CCND3: variants seen among roughly 807,000 people sequenced by gnomAD.
CCND3 encodes the protein G1/S-specific cyclin-D3.
In CCND3, 9 loss-of-function variants were observed where a neutral mutation model predicts 28.7. The observed-to-expected ratio is 0.31, with a 90% CI of 0.19 to 0.55. The LOEUF is 0.55. CCND3 is among the 20% of genes least tolerant of loss of function. CCND3 has a pLI of 0.93. For synonymous variants in CCND3, 164 were observed against 163.9 expected (o/e 1.00, Z 0.00); for missense variants, 315 against 385.8 (o/e 0.82, Z 1.54).
At chr6:41,985,363 G>C (rs909991136) in intron 1 of CCND3, among the ~76,000 whole-genome samples, 4 of 145,628 alleles carry the variant, frequency 2.7e-5, no homozygotes, top group Admixed American at 1.4e-4. Flanking sequence ...GCCCAGGCTG[G>C]AGTGCAATGG....
chr6:42,028,615 G>C (rs1763951533), intron 1 of CCND3, among the ~76,000 whole-genome samples: 1 of 152,234 alleles, frequency 6.6e-6, no homozygotes, highest in Non-Finnish European at 1.5e-5. Context: ...GAAGGCTGAA[G>C]CTGTCCACAG....
intron 1 of CCND3, among the ~76,000 whole-genome samples, chr6:41,998,179 T>TC (rs1245937800): frequency 6.6e-6 from 1 of 151,028 alleles, no homozygotes. Flanking sequence ...TCCCAGGTAT[T>TC]CAGGAAGCTG....
chr6:41,965,993 C>A (rs1275732914), intron 1 of CCND3, among the ~76,000 whole-genome samples: 1 of 152,080 alleles, frequency 6.6e-6, no homozygotes, highest in African/African-American at 2.4e-5. Context: ...ATAACTTAGG[C>A]CTTTAGACTG....
chr6:41,992,647 C>T (rs933676537), intron 1 of CCND3, among the ~76,000 whole-genome samples: 2 of 152,028 alleles, frequency 1.3e-5, no homozygotes, highest in Non-Finnish European at 2.9e-5. Context: ...CGGGGTTTCA[C>T]CATGTTGGCC....
At chr6:41,982,449 C>T (rs372886792) in intron 1 of CCND3, among the ~76,000 whole-genome samples, 253 of 152,188 alleles carry the variant, frequency 1.7e-3, no homozygotes, top group African/African-American at 5.6e-3. Context: ...TGAAAGATAT[C>T]AAAGCAGAAC....
At chr6:41,946,624 A>AG (rs56398393), upstream of CCND3, among the ~76,000 whole-genome samples, 80 of 146,136 alleles carry the variant, frequency 5.5e-4, 2 homozygotes, top group African/African-American at 1.9e-3. Context: ...AAAAAAAAAA[A>AG]GCAGTAAACC....
chr6:41,996,138 A>ATATAT (rs1424031677), intron 1 of CCND3, among the ~76,000 whole-genome samples: 8 of 102,418 alleles, frequency 7.8e-5, no homozygotes, highest in African/African-American at 1.8e-4. Context: ...ATATATATAT[A>ATATAT]TTTTTTTTGT....
intron 1 of CCND3, among the ~76,000 whole-genome samples, chr6:42,020,276 T>A (rs1372196900): frequency 1.3e-5 from 2 of 151,954 alleles, no homozygotes; most frequent in Non-Finnish European, 2.9e-5. Flanking sequence ...AGCGAGACTC[T>A]GTCTCAAAAA....
At chr6:41,949,627 A>G (rs944168476) in intron 1 of CCND3, among the ~76,000 whole-genome samples, 5 of 151,986 alleles carry the variant, frequency 3.3e-5, no homozygotes, top group African/African-American at 2.4e-5. Context: ...TAAAATATCT[A>G]TATTACTTGA....
intron 1 of CCND3, among the ~76,000 whole-genome samples, chr6:42,008,970 G>A (rs1410976226): frequency 6.6e-6 from 1 of 152,212 alleles, no homozygotes; most frequent in Non-Finnish European, 1.5e-5. Context: ...GGCTGCCCGT[G>A]GGAATAGGGA....
At chr6:41,965,664 G>C (rs181696576) in intron 1 of CCND3, among the ~76,000 whole-genome samples, 4 of 152,252 alleles carry the variant, frequency 2.6e-5, no homozygotes, top group African/African-American at 9.6e-5. Context: ...CAGAAGCCAC[G>C]GGAAAGAGTT....
chr6:41,958,888 T>C (rs567507464), intron 1 of CCND3, among the ~76,000 whole-genome samples: 1 of 152,342 alleles, frequency 6.6e-6, no homozygotes, highest in East Asian at 1.9e-4. Context: ...TAAAATGGTA[T>C]CACTACTTCA....
intron 1 of CCND3, among the ~76,000 whole-genome samples, chr6:42,017,295 G>T (rs1763552707): frequency 6.6e-6 from 1 of 152,218 alleles, no homozygotes; most frequent in Non-Finnish European, 1.5e-5. Context: ...GGCCTGGGAG[G>T]GCCCCTGATA....
Position 41,941,659 on chromosome 6 carries a change from G to A in CCND3, c.-10C>T, listed in dbSNP as rs941481724. ...AACACAGCAGCTCCATACTCGGGCA[G>A]CGAACAGGCAGGGCGGGAGTGCGGG... is the stretch of plus-strand genomic sequence containing the variant. On this transcript the variant is annotated 5_prime_UTR_variant, in exon 1 of 5. Coordinates refer to ENST00000372991, the MANE Select transcript of CCND3 (RefSeq NM_001760.5). The surrounding 1 kb of genome is among the most constrained non-coding windows in gnomAD (Gnocchi z 6.1). The A allele has an allele frequency of 4.9e-6, 7 of 1,425,576 alleles. No homozygotes were observed. The allele number at this position is 1,425,576 out of a possible 1,614,324, so 88.3% of individuals were successfully genotyped here.
At chr6:41,937,525 G>A in intron 2 of CCND3, 131 bp from the exon 3 acceptor site, 2 of 1,075,716 alleles carry the variant, frequency 1.9e-6, no homozygotes, top group Non-Finnish European at 2.7e-6. Flanking sequence ...TTCTGTTTCT[G>A]ATTTTAAGGC....
At chr6:41,965,292 A>G (rs1761859361) in intron 1 of CCND3, among the ~76,000 whole-genome samples, 1 of 151,534 alleles carries the variant, frequency 6.6e-6, no homozygotes, top group Non-Finnish European at 1.5e-5. Flanking sequence ...CTGGTCTCGA[A>G]CTCCTGACCT....
chr6:41,940,674 G>A (rs895100898), intron 1 of CCND3, 89 bp from the exon 2 acceptor site: 1 of 959,678 alleles, frequency 1.0e-6, no homozygotes, highest in Non-Finnish European at 1.7e-6. Context: ...GGTGGGATAG[G>A]GAGCAAAAAC....
chr6:42,000,986 A>C (rs1351216685), intron 1 of CCND3, among the ~76,000 whole-genome samples: 1 of 151,650 alleles, frequency 6.6e-6, no homozygotes, highest in African/African-American at 2.4e-5. Context: ...CCTGTATCCC[A>C]GTACTTTGGG....
chr6:41,979,427 G>A (rs572250464), intron 1 of CCND3, among the ~76,000 whole-genome samples: 50 of 151,026 alleles, frequency 3.3e-4, no homozygotes, highest in African/African-American at 9.5e-4. Context: ...CCAGCTACTC[G>A]GGAGGCTGAG....
Sources: gnomAD v4.1 joint callset for allele counts (sites outside exome capture counted in the v4.1 genomes callset) on GRCh38, gnomAD v4.1.1 for gene constraint, Gnocchi (gnomAD v3.1) non-coding constraint, MANE v1.5 for transcripts, NCBI Gene and HGNC (gene_info 2026-07-23, HGNC 2026-07-21) for gene names.